The following NPFFR2 variants were observed in gnomAD, a reference collection of about 807,000 sequenced individuals.
The protein encoded by NPFFR2 is G-protein coupled receptor 74.
A neutral mutation model predicts 13.1 loss-of-function variants in NPFFR2; 15 were observed. The ratio of observed to expected loss-of-function variants is 1.15; its 90% CI spans 0.77 to 1.76. The LOEUF is 1.76. Ranked by LOEUF, NPFFR2 falls within the 40% of genes most tolerant of loss-of-function variation. The pLI, the probability that NPFFR2 is intolerant of heterozygous loss-of-function variation, is 0.00. For missense variants in NPFFR2, 572 were observed against 503.5 expected (o/e 1.14, Z -1.30); for synonymous variants, 190 against 175.7 (o/e 1.08, Z -0.65).
At position 72,047,362 on chromosome 4, in the gene NPFFR2, C is replaced by A. The variant is rs537305612; in HGVS notation, c.-8+15162C>A. On this transcript the variant is annotated intron_variant, in intron 1 of 3. Coordinates refer to ENST00000308744, the MANE Select transcript of NPFFR2 (RefSeq NM_004885.3). ...TTATAGGCCCAGAGCTGTAGGAGGG[C>A]AGAATGGTTTCTGGTGATGGTCTTG... Among the ~76,000 whole-genome samples the A allele has an allele frequency of 1.6e-4, 24 of 152,210 alleles. No homozygotes were observed. In the East Asian group the frequency reaches 4.7e-3, roughly 30 times the overall value.
chr4:72,131,061 G>A (rs991568856), intron 2 of NPFFR2, among the ~76,000 whole-genome samples: 2 of 151,920 alleles, frequency 1.3e-5, no homozygotes, highest in African/African-American at 2.4e-5. Context: ...TTTTTTTCTC[G>A]ATGTTCAGAT....
chr4:72,110,821 T>C (rs2109818750), intron 1 of NPFFR2, among the ~76,000 whole-genome samples: 1 of 152,110 alleles, frequency 6.6e-6, no homozygotes, highest in South Asian at 2.1e-4. Flanking sequence ...TAATAGACCT[T>C]CCTGCATCAC....
At chr4:72,038,905 C>CTTTTTTTTTTTTATTTTTTTTTTTT (rs1719115931) in intron 1 of NPFFR2, among the ~76,000 whole-genome samples, 1 of 84,738 alleles carries the variant, frequency 1.2e-5, no homozygotes, top group Non-Finnish European at 2.1e-5. Context: ...AATTTCCTTT[C>CTTTTTTTTTTTTATTTTTTTTTTTT]TTTTTTTTTT....
chr4:72,061,654 A>G (rs1024200042), intron 1 of NPFFR2, among the ~76,000 whole-genome samples: 2 of 152,092 alleles, frequency 1.3e-5, no homozygotes, highest in African/African-American at 4.8e-5. Context: ...AAAGCTGGAA[A>G]CCATCATTAT....
chr4:72,078,029 A>G (rs1578440483), intron 1 of NPFFR2, among the ~76,000 whole-genome samples: 2 of 152,100 alleles, frequency 1.3e-5, no homozygotes, highest in African/African-American at 4.8e-5. Context: ...GAAATAAAAA[A>G]TGAGTGCAAT....
At chr4:72,127,659 G>A (rs551551125) in intron 1 of NPFFR2, among the ~76,000 whole-genome samples, 5 of 151,224 alleles carry the variant, frequency 3.3e-5, no homozygotes, top group South Asian at 2.1e-4. Context: ...CACCGCGCCC[G>A]GCCCAATAAT....
At chr4:72,110,530 A>G (rs1342767020) in intron 1 of NPFFR2, among the ~76,000 whole-genome samples, 1 of 151,890 alleles carries the variant, frequency 6.6e-6, no homozygotes, top group Non-Finnish European at 1.5e-5. Flanking sequence ...TGATCCCTAT[A>G]TGAATGTTTC....
chr4:72,037,904 C>T (rs1005126256), intron 1 of NPFFR2, among the ~76,000 whole-genome samples: 25 of 152,186 alleles, frequency 1.6e-4, no homozygotes, highest in Non-Finnish European at 2.6e-4. Flanking sequence ...ATGAGCTTGA[C>T]CAATATCCTG....
Position 72,038,077 on chromosome 4 carries a change from C to G in NPFFR2, c.-8+5877C>G, listed in dbSNP as rs796892072. ...TCATCTTTTTTCCTCCTTTGACACCCTCGAGTCTTGAACATGCCAAGCTCA... is the reference window on the plus strand; with the variant it reads ...TCATCTTTTTTCCTCCTTTGACACCGTCGAGTCTTGAACATGCCAAGCTCA... On this transcript the variant is annotated intron_variant, in intron 1 of 3. Transcript: ENST00000308744. 1.6e-4 allele frequency among the ~76,000 whole-genome samples: 24 copies of G among 152,270 alleles called. 1 individual carries two copies. The highest frequency in any genetic ancestry group is 5.8e-4 in the African/African-American group (24 of 41,568).
At chr4:72,054,902 C>T (rs1460381904) in intron 1 of NPFFR2, among the ~76,000 whole-genome samples, 1 of 151,858 alleles carries the variant, frequency 6.6e-6, no homozygotes. Context: ...GACATCTCTA[C>T]ACCATCATCC....
intron 2 of NPFFR2, among the ~76,000 whole-genome samples, chr4:72,135,252 T>A (rs1389459618): frequency 1.3e-5 from 2 of 152,170 alleles, no homozygotes; most frequent in Admixed American, 1.3e-4. Flanking sequence ...GAAGTAAGCC[T>A]TTTTATTTTG....
intron 1 of NPFFR2, among the ~76,000 whole-genome samples, chr4:72,083,090 A>AAAG (rs146049188): frequency 0.026 from 3,972 of 152,260 alleles, 140 homozygotes; most frequent in African/African-American, 0.079. Context: ...ATAAATTGAT[A>AAAG]AAAAGTGACA....
chr4:72,074,200 A>C (rs1720358567), intron 1 of NPFFR2, among the ~76,000 whole-genome samples: 1 of 152,100 alleles, frequency 6.6e-6, no homozygotes, highest in Admixed American at 6.6e-5. Context: ...ACTAATGACA[A>C]TCCAGGTAAA....
Position 72,038,901 on chromosome 4 carries a change from C to CTTTTTTTTTTTTTTTT in NPFFR2, c.-8+6704_-8+6705insTTTTTTTTTTTTTTTT, listed in dbSNP as rs34623356. Among the ~76,000 whole-genome samples the CTTTTTTTTTTTTTTTT allele has an allele frequency of 1.2e-4, 10 of 86,916 alleles. 3 individuals are homozygous for CTTTTTTTTTTTTTTTT. The highest frequency in any genetic ancestry group is 1.3e-4 in the Non-Finnish European group (6 of 44,610). 57.0% of individuals were successfully genotyped at this position (86,916 alleles called of 152,430 possible). On this transcript the variant is annotated intron_variant, in intron 1 of 3. Coordinates refer to ENST00000308744, the MANE Select transcript of NPFFR2 (RefSeq NM_004885.3). The stretch of plus-strand genomic sequence containing the variant: ...TTTTAATTCTTGATTTTTAAATTTC[C>CTTTTTTTTTTTTTTTT]TTTCTTTTTTTTTTTTTTTTTTTTT...
At chr4:72,133,494 CT>C (rs560867296) in intron 2 of NPFFR2, among the ~76,000 whole-genome samples, 71 of 152,102 alleles carry the variant, frequency 4.7e-4, no homozygotes, top group Non-Finnish European at 9.3e-4. Flanking sequence ...TATTCAGGCT[CT>C]TTTTTGCTTC....
chr4:72,126,046 T>A (rs1409549150), intron 1 of NPFFR2, among the ~76,000 whole-genome samples: 2 of 152,220 alleles, frequency 1.3e-5, no homozygotes, highest in Non-Finnish European at 2.9e-5. Flanking sequence ...ATTTAGAAAT[T>A]TTCTAATATT....
intron 1 of NPFFR2, among the ~76,000 whole-genome samples, chr4:72,116,256 G>T (rs1479755403): frequency 6.6e-6 from 1 of 151,816 alleles, no homozygotes; most frequent in Non-Finnish European, 1.5e-5. Context: ...GATTATATTT[G>T]AAATTTACTA....
chr4:72,145,785 G>A (rs879561158), intron 3 of NPFFR2, among the ~76,000 whole-genome samples: 1 of 152,082 alleles, frequency 6.6e-6, no homozygotes, highest in Non-Finnish European at 1.5e-5. Context: ...GATCTGGAAT[G>A]TAACAATTTT....
At chr4:72,073,151 G>T (rs9998847) in intron 1 of NPFFR2, among the ~76,000 whole-genome samples, 136,624 of 151,868 alleles carry the variant, frequency 0.9, 62,409 homozygotes, top group Non-Finnish European at 0.98. Flanking sequence ...TGTCAACCAA[G>T]AACTGTGTAA....
Sources: allele counts gnomAD v4.1 joint callset (sites outside exome capture counted in the v4.1 genomes callset), GRCh38; gene constraint gnomAD v4.1.1; transcripts MANE v1.5; gene names NCBI Gene and HGNC (gene_info 2026-07-23, HGNC 2026-07-21).